SNTG2: variants seen among roughly 807,000 people sequenced by gnomAD.
SNTG2 encodes gamma-2-syntrophin.
In SNTG2, 74 loss-of-function variants were observed where a neutral mutation model predicts 70.9. That is an observed-to-expected ratio of 1.04 (90% CI 0.86 to 1.27). The LOEUF is 1.27. Among genes scored for constraint, SNTG2 ranks in the 50% most tolerant of loss-of-function variants. The pLI is 0.00. For synonymous variants in SNTG2, 278 were observed against 273.8 expected, an observed-to-expected ratio of 1.02 and a Z score of -0.15; for missense variants, 717 against 690.7, an observed-to-expected ratio of 1.04 and a Z score of -0.43.
chr2:1,237,058 G>A lies in SNTG2; in HGVS notation c.720-830G>A, dbSNP rs139991224. On this transcript the variant is annotated intron_variant, in intron 9 of 16. Coordinates refer to ENST00000308624, the MANE Select transcript of SNTG2 (RefSeq NM_018968.4). ...CCTGGGTTCAGGAGATTCTCCTGCC[G>A]TAGCCTTCCGAGTAGCTGGAGCTAC... is the stretch of plus-strand genomic sequence containing the variant. Among the ~76,000 whole-genome samples the A allele has an allele frequency of 4.5e-3, 679 of 151,468 alleles. 2 individuals carry two copies. Among genetic ancestry groups the A allele is most frequent in the African/African-American group, 0.015 (635 of 41,224 alleles).
At chr2:962,473 CT>C (rs1408965868) in intron 1 of SNTG2, among the ~76,000 whole-genome samples, 1 of 152,192 alleles carries the variant, frequency 6.6e-6, no homozygotes, top group Non-Finnish European at 1.5e-5. Flanking sequence ...TCACTCTCAG[CT>C]TCTTCATTTG....
intron 1 of SNTG2, among the ~76,000 whole-genome samples, chr2:1,048,965 C>A (rs1375919547): frequency 6.6e-6 from 1 of 152,042 alleles, no homozygotes; most frequent in Non-Finnish European, 1.5e-5. Flanking sequence ...ATTCACATAG[C>A]CTTTTTATTT....
intron 1 of SNTG2, among the ~76,000 whole-genome samples, chr2:986,067 T>G (rs1235769829): frequency 1.6e-4 from 21 of 129,798 alleles, no homozygotes; most frequent in East Asian, 7.5e-4. Context: ...CTGCAAATAA[T>G]AGAGAGAGAG....
chr2:1,138,966 ATC>A (rs752159587), intron 6 of SNTG2, among the ~76,000 whole-genome samples: 24 of 152,202 alleles, frequency 1.6e-4, no homozygotes, highest in Admixed American at 1.2e-3. Flanking sequence ...CTCAGAATTC[ATC>A]TGTGTCTTCA....
chr2:1,026,073 T>C (rs1660467200), intron 1 of SNTG2, among the ~76,000 whole-genome samples: 1 of 152,216 alleles, frequency 6.6e-6, no homozygotes, highest in African/African-American at 2.4e-5. Flanking sequence ...TTAAAACCAG[T>C]CCAAATGTAA....
intron 11 of SNTG2, 30 bp from the exon 12 acceptor site, chr2:1,247,297 G>A: frequency 1.4e-6 from 2 of 1,415,932 alleles, no homozygotes; most frequent in Non-Finnish European, 2.0e-6. Flanking sequence ...CCTCATTAAG[G>A]CTTGGTTTGT....
chr2:1,031,309 G>A (rs1487539089), intron 1 of SNTG2, among the ~76,000 whole-genome samples: 1 of 151,584 alleles, frequency 6.6e-6, no homozygotes, highest in East Asian at 1.9e-4. Flanking sequence ...CTTCTCTGGT[G>A]TTTTCTGTTC....
At chr2:1,145,305 C>T (rs539982551) in intron 6 of SNTG2, among the ~76,000 whole-genome samples, 1 of 151,860 alleles carries the variant, frequency 6.6e-6, no homozygotes, top group Non-Finnish European at 1.5e-5. Context: ...AAAGCTGTTT[C>T]TTTGTAAATA....
At chr2:1,023,343 G>A (rs1660303257) in intron 1 of SNTG2, among the ~76,000 whole-genome samples, 1 of 152,116 alleles carries the variant, frequency 6.6e-6, no homozygotes, top group Non-Finnish European at 1.5e-5. Context: ...TTCTCCTGTA[G>A]TGTGAGGTGA....
At chr2:1,075,294 C>T (rs760505200) in intron 1 of SNTG2, among the ~76,000 whole-genome samples, 11 of 152,312 alleles carry the variant, frequency 7.2e-5, no homozygotes, top group Non-Finnish European at 1.3e-4. Flanking sequence ...GCAGCTCCTA[C>T]GTCCTTTGCA....
intron 16 of SNTG2, among the ~76,000 whole-genome samples, chr2:1,362,255 G>A (rs111320042): frequency 2.1e-4 from 30 of 142,804 alleles, no homozygotes; most frequent in African/African-American, 6.4e-4. Context: ...TAGAACTTCC[G>A]TGAAAGTCAC....
intron 12 of SNTG2, among the ~76,000 whole-genome samples, chr2:1,248,536 A>C (rs1572858937): frequency 6.6e-6 from 1 of 152,378 alleles, no homozygotes; most frequent in East Asian, 1.9e-4. Context: ...GTTTGCATGA[A>C]TAATGACTGA....
intron 4 of SNTG2, among the ~76,000 whole-genome samples, chr2:1,115,567 C>T (rs1030753004): frequency 6.7e-6 from 1 of 149,518 alleles, no homozygotes; most frequent in African/African-American, 2.5e-5. Flanking sequence ...TGAGAAGAAT[C>T]TTGTGTACTA....
chr2:1,352,704 A>G (rs1210733487), intron 16 of SNTG2, among the ~76,000 whole-genome samples: 1 of 152,228 alleles, frequency 6.6e-6, no homozygotes, highest in Non-Finnish European at 1.5e-5. Context: ...CCACTGGGCT[A>G]AGGATCAGAT....
chr2:1,011,242 A>G (rs182715787), intron 1 of SNTG2, among the ~76,000 whole-genome samples: 1 of 152,374 alleles, frequency 6.6e-6, no homozygotes, highest in Non-Finnish European at 1.5e-5. Context: ...GCGGAGCCAC[A>G]TAGGCAACAC....
intron 1 of SNTG2, among the ~76,000 whole-genome samples, chr2:1,071,255 T>C (rs113648031): frequency 0.13 from 20,060 of 150,902 alleles, 1,555 homozygotes; most frequent in Middle Eastern, 0.2. Flanking sequence ...CCAACCCAAA[T>C]GTCCAACAAT....
chr2:1,175,839 G>A (rs116344100), intron 8 of SNTG2, among the ~76,000 whole-genome samples: 1 of 152,232 alleles, frequency 6.6e-6, no homozygotes, highest in South Asian at 2.1e-4. Context: ...GGCATGATTC[G>A]GTGCCATTTC....
In SNTG2 at chr2:950,922, CCCTGGGAGGCTCGGACGGGGT is replaced by C. The variant is rs1659931307; in HGVS notation, c.-69_-49del. The C allele has an allele frequency of 1.4e-6, 1 of 723,628 alleles. No homozygotes were observed. The highest frequency in any genetic ancestry group is 6.6e-5 in the South Asian group (1 of 15,130). The allele number at this position is 723,628 out of a possible 1,614,324, so 44.8% of individuals were successfully genotyped here. A position where few individuals can be genotyped will look rare whatever the true frequency, so the allele number is the denominator to read the frequency against. On this transcript the variant is annotated 5_prime_UTR_variant, in exon 1 of 17. Transcript: ENST00000308624. ...GGCGCGGACGCGGCGCCTGGCGGGG[CCCTGGGAGGCTCGGACGGGGT>C]CCTGGCGTTGAGCTCGGCCGGCCCG...
In SNTG2 at chr2:1,308,508, G is replaced by A; in HGVS notation, c.1299G>A (p.Met433Ile). 6 of 1,551,618 alleles carry A rather than the reference G, an allele frequency of 3.9e-6. No homozygotes were observed. The highest frequency in any genetic ancestry group is 4.4e-6 in the Non-Finnish European group (5 of 1,146,954). The change falls in exon 15 of 17, where the codon ATG becomes ATA. Residue 433 changes from methionine to isoleucine, a missense_variant. Coordinates refer to ENST00000308624, the MANE Select transcript of SNTG2 (RefSeq NM_018968.4). The part of the protein sequence containing the change: ...EVQRTGSRTY[M>I]CSWQGEMLCF... Reference sequence around the variant, plus strand: ...CTTTTTTCTAGTCCAGAACATACATGTGCAGCTGGCAAGGAGAGATGCTGT... The same window carrying A: ...CTTTTTTCTAGTCCAGAACATACATATGCAGCTGGCAAGGAGAGATGCTGT...
Sources: gnomAD v4.1 joint callset for allele counts (sites outside exome capture counted in the v4.1 genomes callset) on GRCh38, gnomAD v4.1.1 for gene constraint, MANE v1.5 for transcripts, NCBI Gene and HGNC (gene_info 2026-07-23, HGNC 2026-07-21) for gene names.